The following VRK1 variants were observed in gnomAD, a reference collection of about 807,000 sequenced individuals.
The protein encoded by VRK1 is VRK serine/threonine kinase 1, also known as serine/threonine-protein kinase VRK1.
Under a neutral mutation model 57.1 loss-of-function variants are expected in VRK1, and 33 were observed. The observed-to-expected ratio is 0.58, with a 90% CI of 0.44 to 0.77. The LOEUF (loss-of-function observed/expected upper bound fraction) is 0.77, where lower values mean the gene tolerates loss of function less well. Among genes scored for constraint, VRK1 ranks in the 30% least tolerant of loss-of-function variants. VRK1 has a pLI of 0.00. For missense variants in VRK1, 413 were observed against 477.3 expected (o/e 0.87, Z 1.25); for synonymous variants, 137 against 147.8 (o/e 0.93, Z 0.53).
chr14:96,860,120 T>C (rs1392241675), intron 10 of VRK1, among the ~76,000 whole-genome samples: 1 of 152,144 alleles, frequency 6.6e-6, no homozygotes, highest in Non-Finnish European at 1.5e-5. Context: ...TTGGTGTGTT[T>C]TATTTCTCAT....
intron 7 of VRK1, among the ~76,000 whole-genome samples, 155 bp downstream of exon 7, chr14:96,853,321 A>C (rs1191551935): frequency 6.6e-6 from 1 of 152,164 alleles, no homozygotes; most frequent in East Asian, 1.9e-4. Flanking sequence ...TTAACATTCT[A>C]CATTTTTGAT....
Position 96,830,400 on chromosome 14 carries a change from ACTTT to A in VRK1, c.-5-3064_-5-3061del, listed in dbSNP as rs1886958185. On this transcript the variant is annotated intron_variant, in intron 1 of 12. Transcript: ENST00000216639. ...TGATTTTTTTGTTTTTTTCCTTTTC[ACTTT>A]CTATTTCTCTTGTCATTAAAAAGTT... 2.0e-5 allele frequency among the ~76,000 whole-genome samples: 3 copies of A among 148,408 alleles called. No individual in the cohort carries two copies. The South Asian group carries it at 6.4e-4, about 32-fold the overall frequency.
intron 11 of VRK1, among the ~76,000 whole-genome samples, chr14:96,865,342 AG>A (rs1482643577): frequency 1.3e-5 from 2 of 152,138 alleles, no homozygotes; most frequent in Non-Finnish European, 2.9e-5. Context: ...TGGTAACCAT[AG>A]GTATTTTAGT....
At chr14:96,855,886 C>A (rs936420853) in intron 8 of VRK1, among the ~76,000 whole-genome samples, 4 of 152,076 alleles carry the variant, frequency 2.6e-5, no homozygotes, top group Non-Finnish European at 5.9e-5. Context: ...ACAGTCTCCG[C>A]TTGAAACCCT....
At chr14:96,825,014 T>C (rs1566691813) in intron 1 of VRK1, among the ~76,000 whole-genome samples, 2 of 152,188 alleles carry the variant, frequency 1.3e-5, no homozygotes, top group South Asian at 4.2e-4. Context: ...ATGGGAAGGA[T>C]CTAGTTGAGG....
At chr14:96,859,645 G>A (rs1888304080) in intron 10 of VRK1, among the ~76,000 whole-genome samples, 1 of 152,252 alleles carries the variant, frequency 6.6e-6, no homozygotes, top group African/African-American at 2.4e-5. Context: ...ATGAATGTGT[G>A]TATATATGCA....
chr14:96,854,025 C>A (rs1281799626), intron 7 of VRK1, among the ~76,000 whole-genome samples: 1 of 151,864 alleles, frequency 6.6e-6, no homozygotes, highest in African/African-American at 2.4e-5. Context: ...TCTGTCGTCT[C>A]GTATTTGCTT....
At chr14:96,827,367 C>G (rs139267007) in intron 1 of VRK1, among the ~76,000 whole-genome samples, 99 of 152,244 alleles carry the variant, frequency 6.5e-4, no homozygotes, top group African/African-American at 2.3e-3. Context: ...AAGTGCTTCT[C>G]TTGTTGCCAT....
chr14:96,880,607 ACCAGTATCACATATGAT>A (rs1889222431), intron 12 of VRK1, among the ~76,000 whole-genome samples: 1 of 152,238 alleles, frequency 6.6e-6, no homozygotes, highest in South Asian at 2.1e-4. Flanking sequence ...AAGGACTTAG[ACCAGTATCACATATGAT>A]CCTTTTCCAG....
In VRK1 at chr14:96,847,253, G is replaced by T. The variant is rs1395180911; in HGVS notation, c.287-4G>T. On this transcript the variant is annotated splice_polypyrimidine_tract_variant and splice_region_variant and intron_variant, in intron 4 of 12. Coordinates refer to ENST00000216639, the MANE Select transcript of VRK1 (RefSeq NM_003384.3). ...AAATCACAAAGATCTGTTTTAATTT[G>T]TAGTTCAGAAATGGATTCGTACCCG... 5.6e-6 allele frequency: 9 copies of T among 1,612,252 alleles called. No homozygotes were observed. Among genetic ancestry groups the T allele is most frequent in the Non-Finnish European group, 7.6e-6 (9 of 1,178,540 alleles).
chr14:96,855,311 G>A lies in VRK1; in HGVS notation c.664G>A (p.Asp222Asn). The change falls in exon 8 of 13, where the codon GAT (aspartate) becomes AAT (asparagine). Residue 222 changes from aspartate (D) to asparagine (N), a missense_variant. Physicochemically the swap from Asp to Asn is conservative, Grantham distance 23. Around this residue, in one of 3 missense-constraint regions of VRK1, gnomAD observed 151 missense variants for 225.5 expected, o/e 0.67. Coordinates refer to ENST00000216639, the MANE Select transcript of VRK1 (RefSeq NM_003384.3). The stretch of plus-strand genomic sequence containing the variant: ...CAAAGAAGACCCCAAAAGATGTCAC[G>A]ATGGCACTATTGAATTCACGAGCAT... ...EYKEDPKRCHDGTIEFTSIDA... is the reference protein window; with the variant it reads ...EYKEDPKRCHNGTIEFTSIDA... 5.0e-6 allele frequency: 8 copies of A among 1,614,082 alleles called. No homozygotes were observed. Among genetic ancestry groups the A allele is most frequent in the South Asian group, 2.2e-5 (2 of 91,084 alleles).
Position 96,874,562 on chromosome 14 carries a change from C to T in VRK1, c.1069-1468C>T, listed in dbSNP as rs1888952538. Reference sequence around the variant, plus strand: ...CACTCTTACAGCTATTTTTGAGAGGCAATACCCCCATATACAAATCTGCTA... The same window carrying T: ...CACTCTTACAGCTATTTTTGAGAGGTAATACCCCCATATACAAATCTGCTA... On this transcript the variant is annotated intron_variant, in intron 11 of 12. Transcript: ENST00000216639. 2.6e-5 allele frequency among the ~76,000 whole-genome samples: 4 copies of T among 152,168 alleles called. No homozygotes were observed. In the South Asian group the frequency reaches 8.3e-4, roughly 32 times the overall value.
At chr14:96,873,926 A>G (rs1453796527) in intron 11 of VRK1, among the ~76,000 whole-genome samples, 3 of 152,206 alleles carry the variant, frequency 2.0e-5, no homozygotes, top group Admixed American at 6.5e-5. Flanking sequence ...TACGTAATGC[A>G]TACTGCTTAA....
At chr14:96,856,662 C>A in intron 10 of VRK1, 76 bp downstream of exon 10, 1 of 1,284,562 alleles carries the variant, frequency 7.8e-7, no homozygotes, top group Non-Finnish European at 1.1e-6. Context: ...CATGGAATAG[C>A]CCTTAATGTA....
At chr14:96,825,934 C>A (rs1886784541) in intron 1 of VRK1, among the ~76,000 whole-genome samples, 1 of 152,094 alleles carries the variant, frequency 6.6e-6, no homozygotes. Flanking sequence ...ATATAACGAG[C>A]TTTATTCAGC....
At chr14:96,858,884 A>C (rs1888271216) in intron 10 of VRK1, 1 of 152,162 alleles carries the variant, frequency 6.6e-6, no homozygotes, top group African/African-American at 2.4e-5. Context: ...ATTTCTATTT[A>C]AATTTTAGAA....
At chr14:96,827,698 A>G (rs1410055047) in intron 1 of VRK1, among the ~76,000 whole-genome samples, 2 of 152,132 alleles carry the variant, frequency 1.3e-5, no homozygotes, top group Non-Finnish European at 2.9e-5. Flanking sequence ...TTTTACATCT[A>G]TTAGCACTTG....
chr14:96,866,134 T>C (rs535916169), intron 11 of VRK1, among the ~76,000 whole-genome samples: 1 of 152,276 alleles, frequency 6.6e-6, no homozygotes, highest in South Asian at 2.1e-4. Context: ...TTCTATCTTA[T>C]TCATATTGGA....
At chr14:96,872,381 A>C (rs961797245) in intron 11 of VRK1, among the ~76,000 whole-genome samples, 4 of 152,162 alleles carry the variant, frequency 2.6e-5, no homozygotes, top group Non-Finnish European at 5.9e-5. Flanking sequence ...CACTGTGCCA[A>C]ACTCATTAAG....
Sources: gnomAD v4.1 joint callset for allele counts (sites outside exome capture counted in the v4.1 genomes callset) on GRCh38, gnomAD v4.1.1 for gene constraint, gnomAD v4.1.1 regional missense constraint, MANE v1.5 for transcripts, NCBI Gene and HGNC (gene_info 2026-07-23, HGNC 2026-07-21) for gene names.